The following ADAP1 variants were observed in gnomAD, a reference collection of about 807,000 sequenced individuals.
The protein encoded by ADAP1 is ArfGAP with dual PH domains 1, also known as arf-GAP with dual PH domain-containing protein 1.
ADAP1 carries 31 observed loss-of-function variants against 54.9 expected under a neutral mutation model. The ratio of observed to expected loss-of-function variants is 0.56; its 90% CI spans 0.42 to 0.76. The LOEUF (loss-of-function observed/expected upper bound fraction) is 0.76. Among genes scored for constraint, ADAP1 ranks in the 30% least tolerant of loss-of-function variants. The pLI is 0.00. For missense variants in ADAP1, 535 were observed against 512.4 expected, an observed-to-expected ratio of 1.04 and a Z score of -0.42; for synonymous variants, 313 against 202.6, an observed-to-expected ratio of 1.55 and a Z score of -4.63.
chr7:947,149 C>A (rs1217415911), intron 1 of ADAP1, among the ~76,000 whole-genome samples: 3 of 151,706 alleles, frequency 2.0e-5, no homozygotes, highest in Admixed American at 2.0e-4. Flanking sequence ...AGGTAATCCT[C>A]CCACCTCAGC....
Position 899,431 on chromosome 7 carries a change from G to A in ADAP1, c.855C>T (p.Phe285=). 1.2e-6 allele frequency: 2 copies of A among 1,613,126 alleles called. No homozygotes were observed. The highest frequency in any genetic ancestry group is 1.1e-5 in the South Asian group (1 of 91,084). ...AGCTCCTCCTTACCAGGGGGTCTTT[G>A]AAGTACATGAGCCTGCGGTCATCCA... The part of the protein sequence containing the change: ...FTMDDRRLMY[F]KDPLDAFARG... The change falls in exon 9 of 11, where the codon TTC becomes TTT. Residue 285 remains phenylalanine, a synonymous_variant. Transcript: ENST00000265846.
rs913396870 is a variant in ADAP1, at chr7:900,851, C to T, written c.649-235G>A. ...GCGGGAGGGCAGGTGCAGCCTCCCC[C>T]GGCGAAGTCCTGAGAAGGGCCGAAG... On this transcript the variant is annotated intron_variant, in intron 6 of 10. Transcript: ENST00000265846. 25 of 631,306 alleles carry T rather than the reference C, an allele frequency of 4.0e-5. No individual in the cohort carries two copies. In the Middle Eastern group the frequency reaches 1.2e-3, roughly 31 times the overall value. 39.1% of individuals were successfully genotyped at this position (631,306 alleles called of 1,614,324 possible). A position where few individuals can be genotyped will look rare whatever the true frequency, so the allele number is the denominator to read the frequency against.
chr7:898,889 G>A lies in ADAP1; in HGVS notation c.*32C>T, dbSNP rs766781662. 1.9e-6 allele frequency: 3 copies of A among 1,581,120 alleles called. No individual in the cohort carries two copies. Among genetic ancestry groups the A allele is most frequent in the Admixed American group, 1.8e-5 (1 of 55,416 alleles). ...GGTCCCCTCCGTCCAGCCACAGTGA[G>A]TCCAATGTCCGTGGTCCTCCAGCCG... On this transcript the variant is annotated 3_prime_UTR_variant, in exon 11 of 11. Coordinates refer to ENST00000265846, the MANE Select transcript of ADAP1 (RefSeq NM_006869.4).
intron 8 of ADAP1, 90 bp downstream of exon 8, chr7:900,008 CACAG>C (rs1844708762): frequency 6.8e-7 from 1 of 1,474,458 alleles, no homozygotes; most frequent in Non-Finnish European, 9.4e-7. Context: ...CAGTTTAAAA[CACAG>C]GCGGCAGCTG....
intron 3 of ADAP1, among the ~76,000 whole-genome samples, chr7:921,909 G>A (rs374781767): frequency 5.9e-5 from 9 of 152,180 alleles, no homozygotes; most frequent in Non-Finnish European, 1.0e-4. Context: ...CCACAGGGTC[G>A]GCAGCCCTGC....
chr7:898,971 C>T (rs373401427), intron 10 of ADAP1, 22 bp from the exon 11 acceptor site: 110 of 1,611,352 alleles, frequency 6.8e-5, no homozygotes, highest in Non-Finnish European at 8.6e-5. Context: ...CAGGGTCCAG[C>T]GTTGTCACAG....
chr7:898,792 G>T lies in ADAP1; in HGVS notation c.*129C>A. 7.7e-7 allele frequency: 1 copy of T among 1,306,946 alleles called. No individual in the cohort carries two copies. The highest frequency in any genetic ancestry group is 1.1e-6 in the Non-Finnish European group (1 of 943,434). The allele number at this position is 1,306,946 out of a possible 1,614,324, so 81.0% of individuals were successfully genotyped here. A position where few individuals can be genotyped will look rare whatever the true frequency, so the allele number is the denominator to read the frequency against. ...GGAAGCTGAAGCTCGGGCCCTACCT[G>T]GCCGCGCCGGGCTGCCCTGAGGAGC... On this transcript the variant is annotated 3_prime_UTR_variant, in exon 11 of 11. Transcript: ENST00000265846.
At chr7:933,252 C>T (rs1436952407) in intron 2 of ADAP1, among the ~76,000 whole-genome samples, 1 of 151,348 alleles carries the variant, frequency 6.6e-6, no homozygotes, top group Non-Finnish European at 1.5e-5. Context: ...GCCTGGGCGA[C>T]GAAGCCAGAC....
At chr7:904,365 C>G (rs962358288) in intron 5 of ADAP1, 93 bp from the exon 6 acceptor site, 2 of 1,461,288 alleles carry the variant, frequency 1.4e-6, no homozygotes, top group African/African-American at 1.4e-5. Context: ...TGGCGGCGCA[C>G]CTGCTGTGCT....
At chr7:932,100 A>C (rs1846600115) in intron 2 of ADAP1, among the ~76,000 whole-genome samples, 1 of 152,108 alleles carries the variant, frequency 6.6e-6, no homozygotes, top group East Asian at 1.9e-4. Context: ...CCTGCCTGAG[A>C]TTCATCTTTG....
intron 2 of ADAP1, among the ~76,000 whole-genome samples, chr7:931,012 A>G (rs1583174090): frequency 1.4e-5 from 2 of 138,138 alleles, no homozygotes. Flanking sequence ...GAAGGAAGGA[A>G]GGAGGGTAGG....
chr7:910,657 T>C lies in ADAP1; in HGVS notation c.389-5485A>G, dbSNP rs140604234. Among the ~76,000 whole-genome samples the C allele has an allele frequency of 1.4e-3, 217 of 152,356 alleles. 1 individual carries two copies. Among genetic ancestry groups the C allele is most frequent in the Non-Finnish European group, 2.7e-3 (182 of 68,028 alleles). The stretch of plus-strand genomic sequence containing the variant: ...TATGTGATTTATATGCTAATTGTCT[T>C]GTAAACTGGGGCAGGGAAGCACGTG... On this transcript the variant is annotated intron_variant, in intron 4 of 10. Coordinates refer to ENST00000265846, the MANE Select transcript of ADAP1 (RefSeq NM_006869.4).
chr7:905,077 A>G lies in ADAP1; in HGVS notation c.484T>C (p.Tyr162His). 1 of 1,611,650 alleles carries G rather than the reference A, an allele frequency of 6.2e-7. No individual in the cohort carries two copies. Among genetic ancestry groups the G allele is most frequent in the Non-Finnish European group, 8.5e-7 (1 of 1,179,864 alleles). ...TGACTCACATCATTTCTGTTGAAAT[A>G]CTTCAGAGCACCCTCTCGTTCTGTC... ...VLTEREGALK[Y>H]FNRNDAKEPK... The change falls in exon 5 of 11, where the codon TAT becomes CAT. Residue 162 changes from tyrosine to histidine, a missense_variant. By Grantham distance (83) the Tyr-to-His change is moderately conservative. Coordinates refer to ENST00000265846, the MANE Select transcript of ADAP1 (RefSeq NM_006869.4).
chr7:900,564 T>G lies in ADAP1; in HGVS notation c.701A>C (p.Gln234Pro). ...GTCGCCGGCCCCTGGGAATGCCACC[T>G]GCAGGTAGTGGAAGCGAGCAGCTCG... ...ALRAARFHYL[Q>P]VAFPGAGDAD... The change falls in exon 7 of 11, where the codon CAG becomes CCG. Residue 234 changes from glutamine to proline, a missense_variant. By Grantham distance (76) the Gln-to-Pro change is moderately conservative. Transcript: ENST00000265846. 2 of 1,596,528 alleles carry G rather than the reference T, an allele frequency of 1.3e-6. No individual in the cohort carries two copies. The highest frequency in any genetic ancestry group is 1.7e-6 in the Non-Finnish European group (2 of 1,173,754).
intron 4 of ADAP1, among the ~76,000 whole-genome samples, chr7:913,269 C>T (rs1392886590): frequency 6.8e-6 from 1 of 146,888 alleles, no homozygotes. Flanking sequence ...GGCGTGATCT[C>T]CACTCACTGC....
intron 2 of ADAP1, among the ~76,000 whole-genome samples, chr7:928,491 G>A (rs977402150): frequency 5.3e-5 from 8 of 152,176 alleles, no homozygotes; most frequent in Non-Finnish European, 1.2e-4. Flanking sequence ...TGTTGCCCGG[G>A]CTGGTCTCAA....
At chr7:929,117 C>A (rs1846482095) in intron 2 of ADAP1, among the ~76,000 whole-genome samples, 2 of 151,758 alleles carry the variant, frequency 1.3e-5, no homozygotes, top group South Asian at 2.2e-4. Context: ...CACGGTGAGA[C>A]CCCGTCTCTA....
chr7:942,348 GAGAGGAAGAGGAAGAGAGA>G (rs1846963771), intron 1 of ADAP1, among the ~76,000 whole-genome samples: 1 of 142,262 alleles, frequency 7.0e-6, no homozygotes, highest in Non-Finnish European at 1.5e-5. Context: ...GAGGAAGGGA[GAGAGGAAGAGGAAGAGAGA>G]GGAGGAGGAG....
Position 926,454 on chromosome 7 carries a change from G to T in ADAP1, c.305+99C>A. On this transcript the variant is annotated intron_variant, in intron 3 of 10. Transcript: ENST00000265846. The surrounding 1 kb of genome is among the most constrained non-coding windows in gnomAD (Gnocchi z 4.6). ...GCGGCTGGCTTCTCCCCGACCCTGT[G>T]GGCGGCACCCAACTCCCCACCCTGC... The T allele has an allele frequency of 9.7e-7, 1 of 1,034,756 alleles. No homozygotes were observed. The allele number at this position is 1,034,756 out of a possible 1,614,324, so 64.1% of individuals were successfully genotyped here. A position where few individuals can be genotyped will look rare whatever the true frequency, so the allele number is the denominator to read the frequency against.
Sources: allele counts gnomAD v4.1 joint callset (sites outside exome capture counted in the v4.1 genomes callset), GRCh38; gene constraint gnomAD v4.1.1; non-coding constraint Gnocchi (gnomAD v3.1); transcripts MANE v1.5; gene names NCBI Gene and HGNC (gene_info 2026-07-23, HGNC 2026-07-21).